The following MROH1 variants were observed in gnomAD, a reference collection of about 807,000 sequenced individuals.
MROH1 encodes the protein maestro heat-like repeat-containing protein family member 1.
A neutral mutation model predicts 116.5 loss-of-function variants in MROH1; 117 were observed. That is an observed-to-expected ratio of 1.00 (90% CI 0.86 to 1.17). MROH1 has a LOEUF of 1.17. Among genes scored for constraint, MROH1 ranks in the 50% most tolerant of loss-of-function variants. The pLI, the probability that MROH1 is intolerant of heterozygous loss-of-function variation, is 0.00. For missense variants in MROH1, 1,873 were observed against 1,338.5 expected (o/e 1.40, Z -6.23); for synonymous variants, 921 against 583.9 (o/e 1.58, Z -8.32).
At chr8:144,173,814 A>C (rs1311960797) in intron 4 of MROH1, among the ~76,000 whole-genome samples, 3 of 152,166 alleles carry the variant, frequency 2.0e-5, no homozygotes, top group Non-Finnish European at 4.4e-5. Context: ...ACTTGCCTAC[A>C]TTATAGCTTG....
chr8:144,215,284 T>C (rs1408356543), intron 12 of MROH1, among the ~76,000 whole-genome samples: 1 of 152,232 alleles, frequency 6.6e-6, no homozygotes, highest in Non-Finnish European at 1.5e-5. Flanking sequence ...AGTTCGAAAC[T>C]TTTTGAACAC....
At position 144,247,623 on chromosome 8, in the gene MROH1, G is replaced by A. The variant is rs1386412228; in HGVS notation, c.3064G>A (p.Gly1022Ser). The change falls in exon 31 of 44, where the codon GGC becomes AGC. Residue 1022 changes from glycine (G) to serine (S), a missense_variant. Physicochemically the swap from Gly to Ser is moderately conservative, Grantham distance 56. Transcript: ENST00000326134. ...GGAGCGGCTCCTCAGCCTCAAGGAC[G>A]GCCTCGTGCACCCTGACCCCGCCAT... Reference protein sequence around the residue: ...VAERLLSLKDGLVHPDPAILF... With the variant: ...VAERLLSLKDSLVHPDPAILF... 1.3e-5 allele frequency: 10 copies of A among 768,722 alleles called. No individual in the cohort carries two copies. Among genetic ancestry groups the A allele is most frequent in the African/African-American group, 3.4e-5 (2 of 59,002 alleles). The allele number at this position is 768,722 out of a possible 1,614,324, so 47.6% of individuals were successfully genotyped here.
intron 4 of MROH1, among the ~76,000 whole-genome samples, chr8:144,175,817 G>T (rs771125795): frequency 6.6e-6 from 1 of 152,228 alleles, no homozygotes; most frequent in African/African-American, 2.4e-5. Flanking sequence ...TTGGGAGGCC[G>T]AGGCGGGCAG....
intron 12 of MROH1, 52 bp from the exon 13 acceptor site, chr8:144,220,548 T>A: frequency 6.6e-7 from 1 of 1,518,750 alleles, no homozygotes; most frequent in Non-Finnish European, 8.9e-7. Flanking sequence ...GGAATGGACC[T>A]TGAGGTCCTC....
intron 18 of MROH1, 39 bp from the exon 19 acceptor site, chr8:144,240,062 C>T (rs1564544063): frequency 1.3e-6 from 1 of 764,148 alleles, no homozygotes; most frequent in East Asian, 2.5e-5. Context: ...CCCACTGGTG[C>T]GTTTTGGGAT....
Position 144,220,641 on chromosome 8 carries a change from A to G in MROH1, c.1183A>G (p.Met395Val). Residue 395 changes from methionine (M) to valine (V), a missense_variant, in exon 13 of 44, where the codon ATG becomes GTG. Physicochemically the swap from Met to Val is conservative, Grantham distance 21 (BLOSUM62 1). Transcript: ENST00000326134. Reference protein sequence around the residue: ...EDKKPFILSSMRLPLLDTNSK... With the variant: ...EDKKPFILSSVRLPLLDTNSK... Reference sequence around the variant, plus strand: ...TAAAAAGCCCTTTATCCTGTCTTCCATGAGGCTTCCTCTCCTGGACACCAA... The same window carrying G: ...TAAAAAGCCCTTTATCCTGTCTTCCGTGAGGCTTCCTCTCCTGGACACCAA... 1.3e-6 allele frequency: 2 copies of G among 1,579,448 alleles called. No homozygotes were observed. The highest frequency in any genetic ancestry group is 1.2e-5 in the South Asian group (1 of 86,116).
At chr8:144,151,855 G>C (rs1391076568) in intron 1 of MROH1, among the ~76,000 whole-genome samples, 1 of 152,326 alleles carries the variant, frequency 6.6e-6, no homozygotes, top group Admixed American at 6.5e-5. Context: ...GCCCTGCGAC[G>C]GGGACAAGGG....
chr8:144,157,677 CTTTTT>C (rs1164415639), intron 1 of MROH1, among the ~76,000 whole-genome samples: 2 of 117,940 alleles, frequency 1.7e-5, no homozygotes, highest in African/African-American at 3.5e-5. Flanking sequence ...TTCTTTCTTT[CTTTTT>C]TTTTTTTTTT....
rs1167121047 is a variant in MROH1 at position 144,163,802 on chromosome 8, G to A, written c.-25G>A. Reference sequence around the variant, plus strand: ...GAAGAAGTTGTCCATGTTCACACTGGGTGAAGGAAGCTGAAACCACAGACA... The same window carrying A: ...GAAGAAGTTGTCCATGTTCACACTGAGTGAAGGAAGCTGAAACCACAGACA... On this transcript the variant is annotated 5_prime_UTR_variant, in exon 3 of 44. Coordinates refer to ENST00000326134, the MANE Select transcript of MROH1 (RefSeq NM_032450.3). The surrounding 1 kb of genome is among the most constrained non-coding windows in gnomAD (Gnocchi z 4.4). 3.1e-6 allele frequency: 5 copies of A among 1,613,294 alleles called. No individual in the cohort carries two copies. The South Asian group carries it at 5.5e-5, about 18-fold the overall frequency.
Position 144,192,357 on chromosome 8 carries a change from C to G in MROH1, c.904C>G (p.Leu302Val). The part of the protein sequence containing the change: ...EAAVSVGSRT[L>V]ETQLDALLAA... The stretch of plus-strand genomic sequence containing the variant: ...AGCTGTGAGTGTGGGCAGCCGCACA[C>G]TGGAGACCCAGCTGGATGCCCTCTT... The change falls in exon 10 of 44, where the codon CTG (leucine) becomes GTG (valine). Residue 302 changes from leucine to valine, a missense_variant. Transcript: ENST00000326134. 6.2e-7 allele frequency: 1 copy of G among 1,600,594 alleles called. No homozygotes were observed.
intron 12 of MROH1, among the ~76,000 whole-genome samples, chr8:144,206,662 G>A (rs1832878504): frequency 6.6e-6 from 1 of 151,320 alleles, no homozygotes; most frequent in South Asian, 2.1e-4. Context: ...GACCTCAGGT[G>A]ATCCACCCGC....
At chr8:144,156,964 T>G (rs1398367407) in intron 1 of MROH1, among the ~76,000 whole-genome samples, 2 of 151,156 alleles carry the variant, frequency 1.3e-5, no homozygotes, top group Non-Finnish European at 2.9e-5. Flanking sequence ...TGTATTAGTA[T>G]TATTATTTTT....
intron 28 of MROH1, among the ~76,000 whole-genome samples, chr8:144,244,934 A>C (rs974381050): frequency 0.014 from 2,157 of 152,258 alleles, 39 homozygotes; most frequent in African/African-American, 0.047. Context: ...CCCTGGATCC[A>C]CCTGGGCTGG....
chr8:144,170,909 CAAG>C (rs1248513218), intron 4 of MROH1, among the ~76,000 whole-genome samples: 1 of 152,246 alleles, frequency 6.6e-6, no homozygotes, highest in South Asian at 2.1e-4. Flanking sequence ...GGAAGAGAAG[CAAG>C]AATAGTAAAA....
chr8:144,192,326 C>A lies in MROH1; in HGVS notation c.873C>A (p.Leu291=). 6.3e-7 allele frequency: 1 copy of A among 1,596,650 alleles called. No homozygotes were observed. Among genetic ancestry groups the A allele is most frequent in the East Asian group, 2.3e-5 (1 of 44,346 alleles). Residue 291 remains leucine, a synonymous_variant, in exon 10 of 44, where the codon CTC becomes CTA. Transcript: ENST00000326134. ...CGGAGCAGAGCCTGGGCCAGATCCT[C>A]GAGGCAGCTGTGAGTGTGGGCAGCC... is the stretch of plus-strand genomic sequence containing the variant. ...FYLSKSLGQI[L]EAAVSVGSRT... is the part of the protein sequence containing the mutation.
intron 4 of MROH1, among the ~76,000 whole-genome samples, chr8:144,174,394 A>G (rs1276448424): frequency 1.3e-5 from 2 of 151,992 alleles, no homozygotes; most frequent in African/African-American, 4.8e-5. Context: ...ACAGGCATGA[A>G]CCACCATGCC....
chr8:144,153,301 A>C (rs1817302051), intron 1 of MROH1, among the ~76,000 whole-genome samples: 1 of 151,682 alleles, frequency 6.6e-6, no homozygotes, highest in African/African-American at 2.4e-5. Flanking sequence ...GGTTCAAGCA[A>C]TTCACTTGCC....
chr8:144,250,237 G>C lies in MROH1; in HGVS notation c.3299G>C (p.Arg1100Pro). ...GTGCCCGAGATCGTGAGCGTCCTGC[G>C]CTCCAAGCTTCAGGAGGCCCAGGGA... ...EKVPEIVSVL[R>P]SKLQEAQGEH... Residue 1100 changes from arginine to proline, a missense_variant, in exon 33 of 44, where the codon CGC (arginine) becomes CCC (proline). Coordinates refer to ENST00000326134, the MANE Select transcript of MROH1 (RefSeq NM_032450.3). 2 of 767,816 alleles carry C rather than the reference G, an allele frequency of 2.6e-6. No individual in the cohort carries two copies. Among genetic ancestry groups the C allele is most frequent in the South Asian group, 2.7e-5 (2 of 73,766 alleles). 47.6% of individuals were successfully genotyped at this position (767,816 alleles called of 1,614,324 possible).
At chr8:144,176,827 CAAAA>C (rs5895785) in intron 4 of MROH1, among the ~76,000 whole-genome samples, 7 of 126,466 alleles carry the variant, frequency 5.5e-5, no homozygotes, top group Admixed American at 7.9e-5. Context: ...GACTCTGTCT[CAAAA>C]AAAAAAAAAA....
Sources: allele counts gnomAD v4.1 joint callset (sites outside exome capture counted in the v4.1 genomes callset), GRCh38; gene constraint gnomAD v4.1.1; non-coding constraint Gnocchi (gnomAD v3.1); transcripts MANE v1.5; gene names NCBI Gene and HGNC (gene_info 2026-07-23, HGNC 2026-07-21).